Variants in MAPK10 observed in about 807,000 individuals in gnomAD.
MAPK10 encodes mitogen-activated protein kinase 10, also known as JNK3 alpha protein kinase.
MAPK10 carries 25 observed loss-of-function variants against 59.3 expected under a neutral mutation model. That is an observed-to-expected ratio of 0.42 (90% CI 0.31 to 0.59). The LOEUF (loss-of-function observed/expected upper bound fraction) is 0.59. Among genes scored for constraint, MAPK10 ranks in the 20% least tolerant of loss-of-function variants. The probability of loss-of-function intolerance (pLI) is 0.15; values close to 1 mark genes in which losing one functional copy is unlikely to be tolerated. For missense variants in MAPK10, 351 were observed against 568.9 expected, an observed-to-expected ratio of 0.62 and a Z score of 3.90; for synonymous variants, 190 against 200.5, an observed-to-expected ratio of 0.95 and a Z score of 0.44.
chr4:86,487,734 A>G (rs1754118556), intron 1 of MAPK10, among the ~76,000 whole-genome samples: 1 of 151,572 alleles, frequency 6.6e-6, no homozygotes, highest in African/African-American at 2.4e-5. Context: ...CTGTCTCAAA[A>G]AAAAAAAAAA....
intron 2 of MAPK10, among the ~76,000 whole-genome samples, chr4:86,262,395 A>G (rs1465998902): frequency 1.3e-5 from 2 of 152,218 alleles, no homozygotes. Flanking sequence ...AGTTTCCAGT[A>G]CCCTGTTGTA....
chr4:86,460,983 T>C (rs1751681940), intron 1 of MAPK10, among the ~76,000 whole-genome samples: 1 of 152,168 alleles, frequency 6.6e-6, no homozygotes, highest in South Asian at 2.1e-4. Context: ...TGTCTTTAAT[T>C]CCTCTAGCAC....
chr4:86,053,185 A>G (rs2043900454), intron 11 of MAPK10, among the ~76,000 whole-genome samples: 1 of 152,132 alleles, frequency 6.6e-6, no homozygotes, highest in African/African-American at 2.4e-5. Flanking sequence ...CCTTTAAATT[A>G]CAGAGTTTAT....
chr4:86,316,449 C>T (rs1446491497), intron 2 of MAPK10, among the ~76,000 whole-genome samples: 2 of 152,084 alleles, frequency 1.3e-5, no homozygotes, highest in African/African-American at 4.8e-5. Context: ...ACAAATTATC[C>T]TTTCCAGGGA....
chr4:86,297,835 A>T (rs958044439), intron 2 of MAPK10, among the ~76,000 whole-genome samples: 2 of 152,082 alleles, frequency 1.3e-5, no homozygotes, highest in Admixed American at 6.5e-5. Flanking sequence ...GGTAACCTTT[A>T]CACTGGCTCC....
chr4:86,189,010 A>C (rs2078999745), intron 3 of MAPK10, among the ~76,000 whole-genome samples: 1 of 152,154 alleles, frequency 6.6e-6, no homozygotes, highest in South Asian at 2.1e-4. Flanking sequence ...TAAATAGGGA[A>C]TCCTTTCCCC....
At chr4:86,569,862 A>G (rs1400462842) in intron 1 of MAPK10, among the ~76,000 whole-genome samples, 1 of 152,132 alleles carries the variant, frequency 6.6e-6, no homozygotes, top group East Asian at 1.9e-4. Context: ...AATGCACACT[A>G]TTCAGATGAT....
intron 2 of MAPK10, among the ~76,000 whole-genome samples, chr4:86,257,933 A>C (rs1277209772): frequency 6.6e-6 from 1 of 152,170 alleles, no homozygotes; most frequent in Non-Finnish European, 1.5e-5. Flanking sequence ...GATTCATCAC[A>C]CACACAAGGC....
chr4:86,319,046 G>A lies in MAPK10; in HGVS notation c.-7+35484C>T, dbSNP rs188674017. 1.7e-3 allele frequency among the ~76,000 whole-genome samples: 257 copies of A among 152,212 alleles called. 2 individuals carry two copies. The highest frequency in any genetic ancestry group is 5.9e-3 in the African/African-American group (246 of 41,536). ...ATCTCAGAAGTTAAATAGCAGAAGG[G>A]ACCAACACTCATTCTTCAGTTCAAA... On this transcript the variant is annotated intron_variant, in intron 2 of 13. Coordinates refer to ENST00000641462, the MANE Select transcript of MAPK10 (RefSeq NM_138982.4).
At chr4:86,589,310 A>G (rs1336997885) in intron 1 of MAPK10, among the ~76,000 whole-genome samples, 1 of 152,200 alleles carries the variant, frequency 6.6e-6, no homozygotes, top group Non-Finnish European at 1.5e-5. Context: ...ACAGTATGCT[A>G]TCAAACTTTC....
intron 1 of MAPK10, among the ~76,000 whole-genome samples, chr4:86,552,377 C>T (rs1041128318): frequency 1.1e-4 from 16 of 150,174 alleles, no homozygotes; most frequent in Non-Finnish European, 1.9e-4. Context: ...GCCAAGACTG[C>T]ACCACTGTAG....
At chr4:86,202,286 CTT>C (rs1016002834) in intron 2 of MAPK10, among the ~76,000 whole-genome samples, 1 of 151,836 alleles carries the variant, frequency 6.6e-6, no homozygotes, top group African/African-American at 2.4e-5. Context: ...TCCAGTCACT[CTT>C]TGATCTTTCC....
At chr4:86,560,802 C>A (rs1000690825) in intron 1 of MAPK10, among the ~76,000 whole-genome samples, 3 of 152,208 alleles carry the variant, frequency 2.0e-5, no homozygotes, top group African/African-American at 7.2e-5. Context: ...GACTTAAAAT[C>A]ATTTTCATAC....
chr4:86,091,924 G>T lies in MAPK10; in HGVS notation c.802+6600C>A, dbSNP rs142046218. Among the ~76,000 whole-genome samples, 1,197 of 151,940 alleles carry T rather than the reference G, an allele frequency of 7.9e-3. 10 individuals carry two copies. The highest frequency in any genetic ancestry group is 0.012 in the Non-Finnish European group (836 of 67,926). Reference sequence around the variant, plus strand: ...CCTGACCTTGTGATCTGCCCACCTCGGCCTCCCAAAGTGCTGGGATTACAG... The same window carrying T: ...CCTGACCTTGTGATCTGCCCACCTCTGCCTCCCAAAGTGCTGGGATTACAG... On this transcript the variant is annotated intron_variant, in intron 9 of 13. Coordinates refer to ENST00000641462, the MANE Select transcript of MAPK10 (RefSeq NM_138982.4).
intron 1 of MAPK10, among the ~76,000 whole-genome samples, chr4:86,372,192 C>A (rs571301482): frequency 2.6e-4 from 40 of 152,074 alleles, no homozygotes; most frequent in African/African-American, 8.5e-4. Context: ...TCTCTCAGAC[C>A]ACAGTGCAAT....
rs141767932 is a variant in MAPK10 at position 86,430,626 on chromosome 4, A to C, written c.-122+22404T>G. ...AGGCATATAATCTAAGGAGTACAAA[A>C]ATTGTCTCTACAAAAGCGCCATTTA... On this transcript the variant is annotated intron_variant, in intron 1 of 13. Coordinates refer to the MAPK10 transcript ENST00000361569. Among the ~76,000 whole-genome samples, 920 of 152,308 alleles carry C rather than the reference A, an allele frequency of 6.0e-3. 7 individuals carry two copies. The highest frequency in any genetic ancestry group is 0.02 in the African/African-American group (822 of 41,554).
intron 1 of MAPK10, among the ~76,000 whole-genome samples, chr4:86,539,080 G>C (rs140676654): frequency 2.0e-5 from 3 of 151,972 alleles, no homozygotes; most frequent in Non-Finnish European, 4.4e-5. Flanking sequence ...GCAAAAAACC[G>C]ATTTGTATGC....
intron 1 of MAPK10, among the ~76,000 whole-genome samples, chr4:86,514,030 C>A (rs931886645): frequency 6.6e-6 from 1 of 152,056 alleles, no homozygotes; most frequent in Non-Finnish European, 1.5e-5. Flanking sequence ...ACAATCAAAC[C>A]CTAACTACAG....
intron 2 of MAPK10, among the ~76,000 whole-genome samples, chr4:86,322,722 GATAAGTA>G (rs2095926333): frequency 6.6e-6 from 1 of 152,080 alleles, no homozygotes; most frequent in Non-Finnish European, 1.5e-5. Flanking sequence ...TCTTATTACT[GATAAGTA>G]ATAAGATGTA....
Sources: gnomAD v4.1 joint callset for allele counts (sites outside exome capture counted in the v4.1 genomes callset) on GRCh38, gnomAD v4.1.1 for gene constraint, MANE v1.5 for transcripts, NCBI Gene and HGNC (gene_info 2026-07-23, HGNC 2026-07-21) for gene names.